The following FBXL18 variants were observed in gnomAD, a reference collection of about 807,000 sequenced individuals.
FBXL18 encodes F-box and leucine rich repeat protein 18.
Under a neutral mutation model 46.0 loss-of-function variants are expected in FBXL18, and 36 were observed. The ratio of observed to expected loss-of-function variants is 0.78; its 90% CI spans 0.60 to 1.03. The LOEUF is 1.03. Ranked by LOEUF, FBXL18 falls within the 50% of genes least tolerant of loss-of-function variation. The pLI is 0.00. For missense variants in FBXL18, 977 were observed against 1,004.1 expected (o/e 0.97, Z 0.36); for synonymous variants, 557 against 465.3 (o/e 1.20, Z -2.54).
intron 4 of FBXL18, among the ~76,000 whole-genome samples, chr7:5,458,290 C>T (rs1281662663): frequency 6.6e-6 from 1 of 152,206 alleles, no homozygotes; most frequent in African/African-American, 2.4e-5. Context: ...TCTGGCCACC[C>T]ACAGTGGCTC....
rs911414632 is a variant in FBXL18, at chr7:5,481,244, A to G, written c.*531T>C. On this transcript the variant is annotated 3_prime_UTR_variant, in exon 5 of 5. Transcript: ENST00000382368. The stretch of plus-strand genomic sequence containing the variant: ...GGAGAGTCCCAAGTCTGCAGCCACT[A>G]AACTGGCAGGCCCTTCCCCATGTCA... 1.9e-5 allele frequency: 3 copies of G among 158,228 alleles called. No homozygotes were observed. Among genetic ancestry groups the G allele is most frequent in the Non-Finnish European group, 4.2e-5 (3 of 71,200 alleles). 9.8% of individuals were successfully genotyped at this position (158,228 alleles called of 1,614,324 possible).
intron 4 of FBXL18, among the ~76,000 whole-genome samples, chr7:5,468,132 G>A (rs1048625756): frequency 7.9e-5 from 12 of 152,130 alleles, no homozygotes; most frequent in East Asian, 5.8e-4. Context: ...ACAGGCGCCC[G>A]CCACCACACC....
chr7:5,485,297 C>T (rs1334666313), intron 4 of FBXL18, among the ~76,000 whole-genome samples: 1 of 152,148 alleles, frequency 6.6e-6, no homozygotes, highest in Non-Finnish European at 1.5e-5. Context: ...GACAGAAAGG[C>T]CAGCCCTTCT....
downstream of FBXL18, among the ~76,000 whole-genome samples, chr7:5,472,682 G>T (rs116755400): frequency 2.6e-4 from 39 of 152,292 alleles, no homozygotes; most frequent in African/African-American, 8.7e-4. Context: ...TTGACCACCA[G>T]ACCTGCGAGT....
intron 1 of FBXL18, among the ~76,000 whole-genome samples, chr7:5,506,906 C>G (rs147399765): frequency 6.6e-6 from 1 of 152,266 alleles, no homozygotes; most frequent in Non-Finnish European, 1.5e-5. Flanking sequence ...GTGTTCTTCC[C>G]TAATGTGGGC....
In FBXL18 at chr7:5,488,496, G is replaced by A. The variant is rs143708356; in HGVS notation, c.2000+2735C>T. On this transcript the variant is annotated intron_variant, in intron 4 of 4. Transcript: ENST00000382368. ...AAGGAAACAGACAACTCCCAGAGCCGGCCCCCATCGCCACAGGAAGTCGCC... is the reference window on the plus strand; with the variant it reads ...AAGGAAACAGACAACTCCCAGAGCCAGCCCCCATCGCCACAGGAAGTCGCC... Among the ~76,000 whole-genome samples the A allele has an allele frequency of 2.5e-3, 378 of 152,268 alleles. 16 individuals carry two copies. The East Asian group carries it at 0.065, about 26-fold the overall frequency.
intron 2 of FBXL18, 63 bp from the exon 3 acceptor site, chr7:5,502,094 A>G (rs1031798874): frequency 1.7e-6 from 2 of 1,195,514 alleles, no homozygotes; most frequent in African/African-American, 1.5e-5. Context: ...CGGGTCTCCA[A>G]CCCTCAGTGC....
chr7:5,475,140 G>A (rs1278250468), downstream of FBXL18, among the ~76,000 whole-genome samples: 6 of 151,132 alleles, frequency 4.0e-5, no homozygotes, highest in South Asian at 2.1e-4. This position sits in a 1 kb window ranked among gnomAD's most constrained non-coding sequence, Gnocchi z 4.2. Flanking sequence ...TCAACATGGC[G>A]AAACCCCGTC....
At chr7:5,510,302 CAAAAAA>C (rs757878539) in intron 1 of FBXL18, among the ~76,000 whole-genome samples, 1 of 77,606 alleles carries the variant, frequency 1.3e-5, no homozygotes. Context: ...GACTCTGTCT[CAAAAAA>C]AAAAAAAAAA....
At chr7:5,513,611 G>A (rs1221807760) in intron 1 of FBXL18, 46 bp downstream of exon 1, 1 of 1,608,526 alleles carries the variant, frequency 6.2e-7, no homozygotes, top group Non-Finnish European at 8.5e-7. Flanking sequence ...CAGGGAGACC[G>A]AGGCCGCCGA....
intron 2 of FBXL18, among the ~76,000 whole-genome samples, chr7:5,504,978 G>T (rs1195112454): frequency 7.7e-6 from 1 of 129,672 alleles, no homozygotes. Flanking sequence ...AAAACTGACA[G>T]TACCAAGTGT....
rs1783158701 is a variant in FBXL18 at position 5,455,546 on chromosome 7, C to T, written c.2001-7703G>A. 6.6e-6 allele frequency among the ~76,000 whole-genome samples: 1 copy of T among 152,164 alleles called. No homozygotes were observed. Among genetic ancestry groups the T allele is most frequent in the African/African-American group, 2.4e-5 (1 of 41,430 alleles). ...CCCTCCTGTCCTCCCTGATTCCCCA[C>T]AGGACAGTGCCATCCCCTCGGTGGG... is the stretch of plus-strand genomic sequence containing the variant. On this transcript the variant is annotated intron_variant and NMD_transcript_variant, in intron 4 of 6. Transcript: ENST00000415009. The surrounding 1 kb of genome is among the most constrained non-coding windows in gnomAD (Gnocchi z 4.6).
downstream of FBXL18, among the ~76,000 whole-genome samples, chr7:5,474,033 G>A (rs907673735): frequency 7.2e-5 from 11 of 152,052 alleles, no homozygotes; most frequent in Admixed American, 2.0e-4. Context: ...CTGACCTCAG[G>A]TGATCCACCA....
At chr7:5,459,749 A>C (rs936342328) in intron 4 of FBXL18, among the ~76,000 whole-genome samples, 3 of 151,502 alleles carry the variant, frequency 2.0e-5, no homozygotes, top group Non-Finnish European at 2.9e-5. Context: ...CAAAAAAAAA[A>C]AAAAATACAA....
intron 1 of FBXL18, 133 bp downstream of exon 1, chr7:5,513,524 C>T: frequency 9.8e-7 from 1 of 1,017,442 alleles, no homozygotes; most frequent in South Asian, 1.4e-5. Context: ...AGGCCAGGGT[C>T]AGGATGGGAA....
chr7:5,474,680 TTTA>T (rs1254758526), downstream of FBXL18, among the ~76,000 whole-genome samples: 1 of 4,408 alleles, frequency 2.3e-4, no homozygotes, highest in East Asian at 0.026. Context: ...AATTATGCAC[TTTA>T]TTTTTTATTT....
intron 1 of FBXL18, among the ~76,000 whole-genome samples, chr7:5,511,264 G>A (rs939566791): frequency 2.6e-5 from 4 of 151,642 alleles, no homozygotes; most frequent in South Asian, 2.1e-4. Flanking sequence ...GTGAAACCCC[G>A]TCTCTACTAA....
downstream of FBXL18, among the ~76,000 whole-genome samples, chr7:5,472,568 C>G (rs1783444451): frequency 6.6e-6 from 1 of 151,600 alleles, no homozygotes; most frequent in Admixed American, 6.6e-5. Flanking sequence ...CATGGAGAGG[C>G]CACGTGACAA....
intron 1 of FBXL18, among the ~76,000 whole-genome samples, chr7:5,509,919 T>C (rs955807168): frequency 1.3e-5 from 2 of 151,968 alleles, no homozygotes; most frequent in Non-Finnish European, 2.9e-5. Context: ...AGTTGAGTCA[T>C]TTCCCTGGAA....
Sources: allele counts gnomAD v4.1 joint callset (sites outside exome capture counted in the v4.1 genomes callset), GRCh38; gene constraint gnomAD v4.1.1; non-coding constraint Gnocchi (gnomAD v3.1); transcripts MANE v1.5; gene names NCBI Gene and HGNC (gene_info 2026-07-23, HGNC 2026-07-21).